The following NAPB variants were observed in gnomAD, a reference collection of about 807,000 sequenced individuals.
NAPB encodes the protein NSF attachment protein beta.
A neutral mutation model predicts 44.7 loss-of-function variants in NAPB; 26 were observed. That is an observed-to-expected ratio of 0.58 (90% CI 0.43 to 0.81). The LOEUF is 0.81. Ranked by LOEUF, NAPB falls within the 30% of genes least tolerant of loss-of-function variation. NAPB has a pLI of 0.00. For synonymous variants in NAPB, 120 were observed against 116.8 expected, an observed-to-expected ratio of 1.03 and a Z score of -0.18; for missense variants, 315 against 356.4, an observed-to-expected ratio of 0.88 and a Z score of 0.94.
At chr20:23,382,388 G>A (rs1203794434) in intron 7 of NAPB, among the ~76,000 whole-genome samples, 1 of 152,174 alleles carries the variant, frequency 6.6e-6, no homozygotes, top group African/African-American at 2.4e-5. Flanking sequence ...CAAATGCCCT[G>A]TTTTCAATCA....
chr20:23,404,140 T>C (rs945003904), intron 1 of NAPB, among the ~76,000 whole-genome samples: 1 of 152,196 alleles, frequency 6.6e-6, no homozygotes, highest in African/African-American at 2.4e-5. Context: ...TCCGTAATCC[T>C]CCCAGAGTTA....
intron 1 of NAPB, among the ~76,000 whole-genome samples, chr20:23,406,500 A>T (rs1985266777): frequency 1.3e-5 from 2 of 152,130 alleles, no homozygotes; most frequent in African/African-American, 2.4e-5. Context: ...TCAAAAAAAC[A>T]AACAAAAACC....
intron 1 of NAPB, among the ~76,000 whole-genome samples, chr20:23,419,498 C>G (rs1986240680): frequency 6.6e-6 from 1 of 152,204 alleles, no homozygotes; most frequent in Non-Finnish European, 1.5e-5. Flanking sequence ...CAAGTGCTGT[C>G]AAGCTTTTTC....
intron 1 of NAPB, among the ~76,000 whole-genome samples, chr20:23,406,698 A>T (rs966561439): frequency 1.3e-5 from 2 of 152,158 alleles, no homozygotes; most frequent in Non-Finnish European, 2.9e-5. Flanking sequence ...ACATGAAAAC[A>T]TTCTCAACCT....
At chr20:23,391,757 G>A (rs1568608965) in intron 5 of NAPB, among the ~76,000 whole-genome samples, 3 of 152,048 alleles carry the variant, frequency 2.0e-5, no homozygotes, top group Non-Finnish European at 4.4e-5. Flanking sequence ...ATTTTTACAC[G>A]TCGCAAAATG....
chr20:23,407,561 G>A (rs1985340102), intron 1 of NAPB, among the ~76,000 whole-genome samples: 1 of 152,054 alleles, frequency 6.6e-6, no homozygotes, highest in Non-Finnish European at 1.5e-5. Flanking sequence ...TGGCCCAGGT[G>A]AACCACCCTT....
intron 1 of NAPB, among the ~76,000 whole-genome samples, chr20:23,405,060 T>C (rs1214505265): frequency 6.6e-6 from 1 of 152,104 alleles, no homozygotes; most frequent in Non-Finnish European, 1.5e-5. Context: ...CCCAGCACTT[T>C]GGGAGGCCGA....
Position 23,395,191 on chromosome 20 carries a change from GC to G in NAPB, c.296-7del. On this transcript the variant is annotated splice_region_variant and splice_polypyrimidine_tract_variant and intron_variant, in intron 3 of 10. Transcript: ENST00000377026. ...ATTTAAGCAGTTGATAGCCTCTGAA[GC>G]GTAGGCATTTAAGAAAAACAATGAA... The G allele has an allele frequency of 6.2e-7, 1 of 1,614,090 alleles. No individual in the cohort carries two copies. The highest frequency in any genetic ancestry group is 8.5e-7 in the Non-Finnish European group (1 of 1,179,968).
At chr20:23,392,832 T>C (rs73901823) in intron 5 of NAPB, among the ~76,000 whole-genome samples, 3,046 of 151,844 alleles carry the variant, frequency 0.02, 82 homozygotes, top group African/African-American at 0.07. Context: ...CTTTTTTTTT[T>C]CAAGAGAAAA....
At chr20:23,398,091 G>T (rs1207206821) in intron 2 of NAPB, among the ~76,000 whole-genome samples, 6 of 152,178 alleles carry the variant, frequency 3.9e-5, no homozygotes, top group Non-Finnish European at 8.8e-5. Context: ...GGAAATCAAG[G>T]CTGAGGCTGC....
chr20:23,404,143 C>T (rs1298526755), intron 1 of NAPB, among the ~76,000 whole-genome samples: 2 of 152,170 alleles, frequency 1.3e-5, no homozygotes, highest in Non-Finnish European at 2.9e-5. Flanking sequence ...GTAATCCTCC[C>T]AGAGTTAACT....
chr20:23,398,462 C>A (rs2123204396), intron 2 of NAPB, among the ~76,000 whole-genome samples: 1 of 152,158 alleles, frequency 6.6e-6, no homozygotes, highest in Admixed American at 6.5e-5. Context: ...CTCCACCTCC[C>A]AGGATCAAGA....
chr20:23,378,563 T>A (rs1427399546), intron 10 of NAPB, among the ~76,000 whole-genome samples: 1 of 150,192 alleles, frequency 6.7e-6, no homozygotes, highest in Non-Finnish European at 1.5e-5. Flanking sequence ...TGCCTCAGCC[T>A]CCCGAGTAGC....
At chr20:23,378,826 C>CTTTTTTTTTTTTTTTTTTT (rs202043703) in intron 10 of NAPB, 1 of 95,692 alleles carries the variant, frequency 1.0e-5, no homozygotes, top group Admixed American at 1.2e-4. Context: ...TTTTTTTTTT[C>CTTTTTTTTTTTTTTTTTTT]TTTTTTTTTT....
intron 1 of NAPB, among the ~76,000 whole-genome samples, chr20:23,415,232 G>C (rs1985920572): frequency 6.6e-6 from 1 of 152,114 alleles, no homozygotes; most frequent in South Asian, 2.1e-4. Context: ...TAATGAGAAA[G>C]TTAAAAATGG....
chr20:23,383,617 G>T (rs1983223330), intron 7 of NAPB, among the ~76,000 whole-genome samples: 1 of 152,118 alleles, frequency 6.6e-6, no homozygotes, highest in African/African-American at 2.4e-5. Flanking sequence ...AGAAATGAAG[G>T]CAAAATCAAA....
chr20:23,399,480 A>T (rs1005482091), intron 2 of NAPB, among the ~76,000 whole-genome samples: 12 of 152,200 alleles, frequency 7.9e-5, no homozygotes, highest in Admixed American at 7.9e-4. Flanking sequence ...TGGCACCTTG[A>T]TCTTAAACGA....
chr20:23,387,082 A>T (rs1983586437), intron 7 of NAPB, among the ~76,000 whole-genome samples: 1 of 152,224 alleles, frequency 6.6e-6, no homozygotes, highest in Non-Finnish European at 1.5e-5. Flanking sequence ...GACAAAAACC[A>T]TGTTTATCTC....
intron 7 of NAPB, among the ~76,000 whole-genome samples, chr20:23,386,700 G>T (rs181970854): frequency 8.5e-4 from 129 of 152,250 alleles, no homozygotes; most frequent in Non-Finnish European, 1.4e-3. Context: ...TTATTACTGT[G>T]GGGGGAAGTA....
Sources: gnomAD v4.1 joint callset for allele counts (sites outside exome capture counted in the v4.1 genomes callset) on GRCh38, gnomAD v4.1.1 for gene constraint, MANE v1.5 for transcripts, NCBI Gene and HGNC (gene_info 2026-07-23, HGNC 2026-07-21) for gene names.